VPS13B: variants seen among roughly 807,000 people sequenced by gnomAD.
The protein encoded by VPS13B is vacuolar protein sorting 13 homolog B, also known as intermembrane lipid transfer protein VPS13B.
VPS13B carries 285 observed loss-of-function variants against 426.4 expected under a neutral mutation model. That is an observed-to-expected ratio of 0.67 (90% CI 0.61 to 0.74). The LOEUF is 0.74. Among genes scored for constraint, VPS13B ranks in the 30% least tolerant of loss-of-function variants. The probability of loss-of-function intolerance (pLI) is 0.00; values close to 1 mark genes in which losing one functional copy is unlikely to be tolerated. For synonymous variants in VPS13B, 1,676 were observed against 1,676.4 expected (o/e 1.00, Z 0.01); for missense variants, 4,537 against 4,782.6 (o/e 0.95, Z 1.51).
At chr8:99,571,360 G>A (rs1361363546) in intron 31 of VPS13B, among the ~76,000 whole-genome samples, 1 of 152,028 alleles carries the variant, frequency 6.6e-6, no homozygotes, top group East Asian at 1.9e-4. Context: ...AATCTGTAAA[G>A]ATTTTCAATG....
chr8:99,187,824 C>T (rs1813303643), intron 16 of VPS13B, among the ~76,000 whole-genome samples: 1 of 151,888 alleles, frequency 6.6e-6, no homozygotes, highest in South Asian at 2.1e-4. Flanking sequence ...AAAAATTAGC[C>T]GGGCATGCTG....
intron 19 of VPS13B, among the ~76,000 whole-genome samples, chr8:99,360,676 G>A (rs1327545041): frequency 6.6e-6 from 1 of 151,962 alleles, no homozygotes; most frequent in Middle Eastern, 3.2e-3. Context: ...CTTTTTTCAT[G>A]GACATATACC....
At chr8:99,776,035 C>T (rs957263115) in intron 40 of VPS13B, among the ~76,000 whole-genome samples, 3 of 152,114 alleles carry the variant, frequency 2.0e-5, no homozygotes, top group African/African-American at 4.8e-5. Flanking sequence ...TTATGGCACC[C>T]GTTACAGTAG....
At position 99,039,611 on chromosome 8, in the gene VPS13B, C is replaced by G. The variant is rs1002164241; in HGVS notation, c.291+1045C>G. Among the ~76,000 whole-genome samples the G allele has an allele frequency of 5.3e-5, 8 of 150,822 alleles. No homozygotes were observed. In the East Asian group the frequency reaches 1.4e-3, roughly 26 times the overall value. ...AGTTTTAAGGAAGATTGGCTATAATCAAGTAAATTGATAAGTATTATTAAA... is the reference window on the plus strand; with the variant it reads ...AGTTTTAAGGAAGATTGGCTATAATGAAGTAAATTGATAAGTATTATTAAA... On this transcript the variant is annotated intron_variant, in intron 3 of 61. Transcript: ENST00000357162.
At chr8:99,512,963 A>G (rs1162837793) in intron 29 of VPS13B, among the ~76,000 whole-genome samples, 1 of 151,400 alleles carries the variant, frequency 6.6e-6, no homozygotes, top group Non-Finnish European at 1.5e-5. Context: ...GAGCCAAGAT[A>G]GTGCCATTGC....
intron 33 of VPS13B, among the ~76,000 whole-genome samples, chr8:99,621,878 G>A (rs1409552861): frequency 7.5e-6 from 1 of 133,924 alleles, no homozygotes; most frequent in Non-Finnish European, 1.5e-5. Context: ...CCAGCACCCA[G>A]GCTGCAGTGC....
chr8:99,140,781 A>G lies in VPS13B; in HGVS notation c.1652-2193A>G, dbSNP rs528586220. Among the ~76,000 whole-genome samples, 8 of 152,134 alleles carry G rather than the reference A, an allele frequency of 5.3e-5. No individual in the cohort carries two copies. The East Asian group carries it at 1.5e-3, about 29-fold the overall frequency. On this transcript the variant is annotated intron_variant, in intron 12 of 61. Coordinates refer to ENST00000357162, the MANE Select transcript of VPS13B (RefSeq NM_152564.5). ...CTGGAAAAATTAACATCTTTTGCCC[A>G]GGAGCTTCTTACAGACACCAGTAAA...
chr8:99,619,128 C>A (rs1159954125), intron 33 of VPS13B, among the ~76,000 whole-genome samples: 1 of 152,194 alleles, frequency 6.6e-6, no homozygotes, highest in African/African-American at 2.4e-5. Context: ...CTTGAGAAAA[C>A]CTCTTCCCAT....
intron 28 of VPS13B, chr8:99,507,887 T>C: frequency 6.2e-7 from 1 of 1,614,110 alleles, no homozygotes; most frequent in Non-Finnish European, 8.5e-7. Context: ...ACCCTTTCAG[T>C]AATTGCTCTG....
intron 25 of VPS13B, among the ~76,000 whole-genome samples, chr8:99,492,128 G>A (rs1421070676): frequency 6.6e-6 from 1 of 152,162 alleles, no homozygotes; most frequent in Non-Finnish European, 1.5e-5. Context: ...CTCCTCAGCT[G>A]CAGGTCTGTT....
chr8:99,256,257 A>G (rs996049823), intron 17 of VPS13B, among the ~76,000 whole-genome samples: 1 of 152,108 alleles, frequency 6.6e-6, no homozygotes, highest in Non-Finnish European at 1.5e-5. Context: ...AGGCTGACTA[A>G]TATTCTATTG....
intron 23 of VPS13B, among the ~76,000 whole-genome samples, chr8:99,445,977 G>C (rs1220235850): frequency 6.6e-6 from 1 of 152,204 alleles, no homozygotes; most frequent in Non-Finnish European, 1.5e-5. Context: ...TTATAGTGCA[G>C]AGACAGCCAT....
At chr8:99,337,735 T>C (rs1162668820) in intron 19 of VPS13B, among the ~76,000 whole-genome samples, 1 of 152,178 alleles carries the variant, frequency 6.6e-6, no homozygotes, top group Non-Finnish European at 1.5e-5. Flanking sequence ...TAAATTCACA[T>C]TTATCAATTT....
chr8:99,717,362 G>T lies in VPS13B; in HGVS notation c.6646G>T (p.Gly2216Cys). Residue 2216 changes from glycine to cysteine, a missense_variant, in exon 37 of 62, where the codon GGT becomes TGT. Around this residue, in one of 2 missense-constraint regions of VPS13B, gnomAD observed 4,311 missense variants for 4,474.3 expected, o/e 0.96. Coordinates refer to ENST00000357162, the MANE Select transcript of VPS13B (RefSeq NM_152564.5). Reference sequence around the variant, plus strand: ...AAAAATATCCATTGACTTAAGAGGAGGTCTACTACAGGTCTGTGGGTATTG... The same window carrying T: ...AAAAATATCCATTGACTTAAGAGGATGTCTACTACAGGTCTGTGGGTATTG... Reference protein sequence around the residue: ...IPKISIDLRGGLLQVFWGQEH... With the variant: ...IPKISIDLRGCLLQVFWGQEH... 1 of 1,613,696 alleles carries T rather than the reference G, an allele frequency of 6.2e-7. No individual in the cohort carries two copies. Among genetic ancestry groups the T allele is most frequent in the Non-Finnish European group, 8.5e-7 (1 of 1,179,810 alleles).
intron 19 of VPS13B, among the ~76,000 whole-genome samples, chr8:99,335,429 G>C (rs1182884972): frequency 1.3e-5 from 2 of 152,006 alleles, no homozygotes; most frequent in Non-Finnish European, 2.9e-5. Context: ...TGCTTTTCTA[G>C]TTCTTTTAAT....
chr8:99,714,618 G>A (rs764655741), intron 36 of VPS13B, among the ~76,000 whole-genome samples: 12 of 152,304 alleles, frequency 7.9e-5, no homozygotes, highest in Middle Eastern at 3.4e-3. Context: ...AGTTAATATT[G>A]TAAATAATAA....
rs149408318 is a variant in VPS13B at position 99,642,475 on chromosome 8, T to C, written c.5885T>C (p.Val1962Ala). ...ATTTTTGATGCTGTGCTTAAAGGGG[T>C]GGCCTCTGATTACAAATGTATAGGT... ...VSIFDAVLKG[V>A]ASDYKCIDPG... Residue 1962 changes from valine to alanine, a missense_variant, in exon 34 of 62, where the codon GTG (valine) becomes GCG (alanine). Val to Ala is a moderately conservative substitution (Grantham distance 64). Transcript: ENST00000357162. The C allele has an allele frequency of 1.2e-6, 2 of 1,613,424 alleles. No homozygotes were observed. The highest frequency in any genetic ancestry group is 1.3e-5 in the African/African-American group (1 of 74,886).
intron 3 of VPS13B, chr8:99,093,959 G>C (rs886422514): frequency 6.6e-6 from 1 of 151,918 alleles, no homozygotes; most frequent in Non-Finnish European, 1.5e-5. Flanking sequence ...AAAACTCATC[G>C]TTTTCATTTA....
At chr8:99,457,885 C>A (rs1400873831) in intron 23 of VPS13B, among the ~76,000 whole-genome samples, 1 of 151,940 alleles carries the variant, frequency 6.6e-6, no homozygotes, top group Non-Finnish European at 1.5e-5. Context: ...AAATATTTTA[C>A]AATTTCATAG....
Sources: gnomAD v4.1 joint callset for allele counts (sites outside exome capture counted in the v4.1 genomes callset) on GRCh38, gnomAD v4.1.1 for gene constraint, gnomAD v4.1.1 regional missense constraint, MANE v1.5 for transcripts, NCBI Gene and HGNC (gene_info 2026-07-23, HGNC 2026-07-21) for gene names.